The following AOPEP variants were observed in gnomAD, a reference collection of about 807,000 sequenced individuals.
The protein encoded by AOPEP is aminopeptidase O.
Under a neutral mutation model 98.1 loss-of-function variants are expected in AOPEP, and 77 were observed. The observed-to-expected ratio is 0.78, with a 90% CI of 0.65 to 0.95. AOPEP has a LOEUF of 0.95. Ranked by LOEUF, AOPEP falls within the 40% of genes least tolerant of loss-of-function variation. AOPEP has a pLI of 0.00. For synonymous variants in AOPEP, 346 were observed against 365.3 expected, an observed-to-expected ratio of 0.95 and a Z score of 0.60; for missense variants, 1,024 against 1,024.7, an observed-to-expected ratio of 1.00 and a Z score of 0.01.
intron 5 of AOPEP, among the ~76,000 whole-genome samples, chr9:94,842,959 T>C (rs994279528): frequency 1.3e-5 from 2 of 152,208 alleles, no homozygotes; most frequent in Non-Finnish European, 2.9e-5. Context: ...AGTATTTAAT[T>C]ATGATTTGTC....
At chr9:94,941,243 T>A (rs2056979477) in intron 7 of AOPEP, among the ~76,000 whole-genome samples, 1 of 152,090 alleles carries the variant, frequency 6.6e-6, no homozygotes, top group Admixed American at 6.5e-5. Flanking sequence ...CTGTCCAGAG[T>A]GGAAAAAAGT....
intron 1 of AOPEP, among the ~76,000 whole-genome samples, chr9:94,743,197 GA>G: frequency 1.7e-5 from 2 of 120,824 alleles, no homozygotes; most frequent in South Asian, 2.8e-4. Context: ...AGAAGAAGAA[GA>G]AGAGGAAGAA....
At chr9:95,051,143 G>T (rs1260961685) in intron 13 of AOPEP, among the ~76,000 whole-genome samples, 1 of 136,380 alleles carries the variant, frequency 7.3e-6, no homozygotes, top group Non-Finnish European at 1.5e-5. Flanking sequence ...AGGCTGAAGT[G>T]CAATGGCGTG....
At chr9:94,795,371 A>G (rs752040207) in intron 4 of AOPEP, among the ~76,000 whole-genome samples, 69 of 152,142 alleles carry the variant, frequency 4.5e-4, no homozygotes, top group Middle Eastern at 3.4e-3. Context: ...GTTGAGAGCA[A>G]TGCCTTTGAG....
chr9:95,041,195 A>T (rs2065259249), intron 13 of AOPEP, among the ~76,000 whole-genome samples: 1 of 152,176 alleles, frequency 6.6e-6, no homozygotes, highest in Non-Finnish European at 1.5e-5. Flanking sequence ...GCCATTCAGG[A>T]ACTTAGCCAG....
chr9:95,127,773 C>G, the AOPEP span, among the ~76,000 whole-genome samples: 1 of 152,222 alleles, frequency 6.6e-6, no homozygotes, highest in Non-Finnish European at 1.5e-5. Flanking sequence ...GAGGCAGGAC[C>G]GCGCCTCCTC....
chr9:95,131,082 G>A, the AOPEP span, among the ~76,000 whole-genome samples: 2 of 152,152 alleles, frequency 1.3e-5, no homozygotes, highest in Non-Finnish European at 2.9e-5. Context: ...TTTACCAGAT[G>A]TTGTTTATAC....
chr9:95,114,567 C>T, the AOPEP span: 2 of 1,411,014 alleles, frequency 1.4e-6, no homozygotes, highest in Middle Eastern at 1.8e-4. Flanking sequence ...GCTCAAAGGG[C>T]AGATGAGGAT....
intron 11 of AOPEP, among the ~76,000 whole-genome samples, chr9:94,993,382 T>A (rs1394470293): frequency 6.6e-6 from 1 of 151,622 alleles, no homozygotes; most frequent in East Asian, 1.9e-4. Flanking sequence ...GAGCACTTCG[T>A]GTTTTATGCT....
the AOPEP span, chr9:95,125,052 G>C: frequency 6.5e-7 from 1 of 1,546,738 alleles, no homozygotes; most frequent in Non-Finnish European, 8.9e-7. Context: ...CTTATTCTCT[G>C]GGATGAATGA....
rs367691941 is a variant in AOPEP, at chr9:94,753,191, AT to A, written c.-135-6455del. Among the ~76,000 whole-genome samples, 115 of 152,320 alleles carry A rather than the reference AT, an allele frequency of 7.5e-4. 1 individual carries two copies. In the South Asian group the frequency reaches 0.024, roughly 31 times the overall value. On this transcript the variant is annotated intron_variant, in intron 1 of 16. Coordinates refer to ENST00000375315, the MANE Select transcript of AOPEP (RefSeq NM_001193329.3). ...GTTGCTGTTTGAAGCTACAAAGTTA[AT>A]TTGTCATGCAACAAGTAGAATAAAA...
intron 13 of AOPEP, among the ~76,000 whole-genome samples, chr9:95,051,027 G>C (rs928671746): frequency 2.0e-5 from 3 of 151,096 alleles, no homozygotes; most frequent in Non-Finnish European, 4.4e-5. Context: ...TCCTTCTGTT[G>C]CTATTCTTTT....
intron 10 of AOPEP, among the ~76,000 whole-genome samples, chr9:94,968,029 G>C (rs914106304): frequency 1.3e-5 from 2 of 152,156 alleles, no homozygotes; most frequent in Admixed American, 6.5e-5. Flanking sequence ...AAAGTCAGGA[G>C]CCCCAAAAGT....
intron 10 of AOPEP, 57 bp from the exon 11 acceptor site, chr9:94,979,310 G>A (rs766935583): frequency 8.6e-7 from 1 of 1,161,992 alleles, no homozygotes; most frequent in Non-Finnish European, 1.3e-6. Context: ...ACCAGTCTGT[G>A]TAATAAGCGC....
chr9:94,880,341 TTTTTTCTTTTTC>T (rs1375033920), intron 5 of AOPEP, among the ~76,000 whole-genome samples: 2 of 152,076 alleles, frequency 1.3e-5, no homozygotes, highest in South Asian at 2.1e-4. Context: ...ATTTGTCTTT[TTTTTTCTTTTTC>T]TTTTTCTTTT....
intron 5 of AOPEP, among the ~76,000 whole-genome samples, chr9:94,899,739 G>T (rs1311350504): frequency 6.6e-6 from 1 of 151,660 alleles, no homozygotes; most frequent in African/African-American, 2.4e-5. Context: ...GTCAGAGTGG[G>T]ACCCTATCTA....
chr9:94,988,074 C>G (rs1254086860), intron 11 of AOPEP, among the ~76,000 whole-genome samples: 1 of 152,196 alleles, frequency 6.6e-6, no homozygotes, highest in East Asian at 1.9e-4. Context: ...ACTTTAGCTC[C>G]TTGGTTTCTG....
intron 4 of AOPEP, among the ~76,000 whole-genome samples, chr9:94,798,039 C>T (rs544229878): frequency 6.6e-6 from 1 of 152,232 alleles, no homozygotes; most frequent in African/African-American, 2.4e-5. Flanking sequence ...CTTACCTCCT[C>T]CAGCAGCCAC....
chr9:94,987,732 T>C (rs1246942361), intron 11 of AOPEP, among the ~76,000 whole-genome samples: 3 of 152,240 alleles, frequency 2.0e-5, no homozygotes, highest in Non-Finnish European at 2.9e-5. Context: ...GGGGTTGTAA[T>C]CTTTTCCCTT....
Sources: gnomAD v4.1 joint callset for allele counts (sites outside exome capture counted in the v4.1 genomes callset) on GRCh38, gnomAD v4.1.1 for gene constraint, MANE v1.5 for transcripts, NCBI Gene and HGNC (gene_info 2026-07-23, HGNC 2026-07-21) for gene names.